The following RMC1 variants were observed in gnomAD, a reference collection of about 807,000 sequenced individuals.
RMC1 encodes regulator of MON1-CCZ1 complex.
Under a neutral mutation model 95.5 loss-of-function variants are expected in RMC1, and 44 were observed. The ratio of observed to expected loss-of-function variants is 0.46; its 90% CI spans 0.36 to 0.59. RMC1 has a LOEUF of 0.59. RMC1 is among the 20% of genes least tolerant of loss of function. The probability of loss-of-function intolerance (pLI) is 0.00; values close to 1 mark genes in which losing one functional copy is unlikely to be tolerated. For missense variants in RMC1, 705 were observed against 819.6 expected (o/e 0.86, Z 1.71); for synonymous variants, 320 against 303.6 (o/e 1.05, Z -0.56).
chr18:23,507,986 A>G lies in RMC1; in HGVS notation c.266A>G (p.Asp89Gly). 6.2e-7 allele frequency: 1 copy of G among 1,610,342 alleles called. No homozygotes were observed. Among genetic ancestry groups the G allele is most frequent in the East Asian group, 2.2e-5 (1 of 44,716 alleles). Reference sequence around the variant, plus strand: ...GTGTCTGTGTGTTTTTCCTTTCAGGATTTTTGTAATTTTATCCCTGATAAT... The same window carrying G: ...GTGTCTGTGTGTTTTTCCTTTCAGGGTTTTTGTAATTTTATCCCTGATAAT... Reference protein sequence around the residue: ...LAVQRTSKTVDFCNFIPDNSQ... With the variant: ...LAVQRTSKTVGFCNFIPDNSQ... Residue 89 changes from aspartate to glycine, a missense_variant and splice_region_variant, in exon 4 of 20, where the codon GAT becomes GGT. By Grantham distance (94) the Asp-to-Gly change is moderately conservative. Transcript: ENST00000269221.
intron 2 of RMC1, among the ~76,000 whole-genome samples, chr18:23,505,281 G>A (rs1488394641): frequency 1.3e-5 from 2 of 152,138 alleles, no homozygotes; most frequent in Non-Finnish European, 1.5e-5. Context: ...GGCTGGTTTC[G>A]AACTCCTGAC....
chr18:23,523,266 T>C (rs1422582406), intron 10 of RMC1, among the ~76,000 whole-genome samples: 1 of 152,144 alleles, frequency 6.6e-6, no homozygotes, highest in East Asian at 1.9e-4. Flanking sequence ...CCAGGAGTCA[T>C]GGTTAGCTTG....
intron 13 of RMC1, 54 bp downstream of exon 13, chr18:23,526,819 C>T (rs2058311494): frequency 1.3e-6 from 2 of 1,589,156 alleles, no homozygotes. Flanking sequence ...CTGTGCTGCC[C>T]AACACTTTTT....
rs1392885175 is a variant in RMC1, at chr18:23,503,512, G to C, written c.-107G>C. 4 of 687,184 alleles carry C rather than the reference G, an allele frequency of 5.8e-6. No individual in the cohort carries two copies. The highest frequency in any genetic ancestry group is 7.9e-5 in the East Asian group (2 of 25,178). 42.6% of individuals were successfully genotyped at this position (687,184 alleles called of 1,614,324 possible). A position where few individuals can be genotyped will look rare whatever the true frequency, so the allele number is the denominator to read the frequency against. On this transcript the variant is annotated 5_prime_UTR_variant, in exon 1 of 20. Transcript: ENST00000269221. The stretch of plus-strand genomic sequence containing the variant: ...GGAAGCGGCGTCCGCGCCGGGCCCA[G>C]AGCCGCAGCCGCAGCCGCCGCTACA...
In RMC1 at chr18:23,520,265, C is replaced by A; in HGVS notation, c.913C>A (p.Pro305Thr). 6.2e-7 allele frequency: 1 copy of A among 1,614,108 alleles called. No homozygotes were observed. Among genetic ancestry groups the A allele is most frequent in the South Asian group, 1.1e-5 (1 of 91,074 alleles). Residue 305 changes from proline (P) to threonine (T), a missense_variant, in exon 10 of 20, where the codon CCC becomes ACC. Physicochemically the swap from Pro to Thr is conservative, Grantham distance 38. Transcript: ENST00000269221. The stretch of plus-strand genomic sequence containing the variant: ...TGACGGCTCCGTTACCTTCCACCAC[C>A]CCGTGCTTCCCGCTCGATCGATCCA... ...EFDGSVTFHH[P>T]VLPARSIQPY... is the part of the protein sequence containing the mutation.
At chr18:23,530,657 A>C (rs779050543) in intron 19 of RMC1, 45 bp downstream of exon 19, 18 of 1,572,884 alleles carry the variant, frequency 1.1e-5, no homozygotes, top group African/African-American at 2.7e-5. Context: ...AGCCTCAAAG[A>C]GTAGCAGAGG....
chr18:23,529,849 T>C, intron 16 of RMC1, 137 bp downstream of exon 16: 2 of 1,062,684 alleles, frequency 1.9e-6, no homozygotes, highest in Non-Finnish European at 2.8e-6. Flanking sequence ...CTCCTGACAT[T>C]ATTAGTTGGA....
chr18:23,522,498 C>A (rs2058169154), intron 10 of RMC1: 2 of 152,130 alleles, frequency 1.3e-5, no homozygotes, highest in African/African-American at 4.8e-5. Flanking sequence ...TTTTTAAGCT[C>A]ATCAGCTATT....
intron 12 of RMC1, among the ~76,000 whole-genome samples, chr18:23,525,571 T>TGC (rs2145255059): frequency 6.6e-6 from 1 of 152,266 alleles, no homozygotes; most frequent in East Asian, 1.9e-4. Flanking sequence ...ATTACAGGCA[T>TGC]GCGCCACCAC....
chr18:23,523,558 A>AG (rs2058203917), intron 10 of RMC1, among the ~76,000 whole-genome samples: 1 of 149,580 alleles, frequency 6.7e-6, no homozygotes, highest in African/African-American at 2.5e-5. Context: ...AAAAAAAAAA[A>AG]AAAAAAAAAA....
At chr18:23,523,745 C>G (rs968519757) in intron 10 of RMC1, among the ~76,000 whole-genome samples, 1 of 151,964 alleles carries the variant, frequency 6.6e-6, no homozygotes, top group African/African-American at 2.4e-5. Context: ...GATAATTAAG[C>G]TACAAGCCAC....
At chr18:23,520,078 C>G (rs2048702756) in intron 9 of RMC1, 124 bp from the exon 10 acceptor site, 3 of 695,430 alleles carry the variant, frequency 4.3e-6, no homozygotes, top group Admixed American at 4.5e-5. Flanking sequence ...TAAGAGCTAG[C>G]CTGTAGGGAG....
In RMC1 at chr18:23,520,261, C is replaced by T. The variant is rs762588766; in HGVS notation, c.909C>T (p.His303=). 1 of 1,614,134 alleles carries T rather than the reference C, an allele frequency of 6.2e-7. No homozygotes were observed. Residue 303 remains histidine (H), a synonymous_variant, in exon 10 of 20, where the codon CAC becomes CAT. Transcript: ENST00000269221. ...RGEFDGSVTF[H]HPVLPARSIQ... ...AGTTTGACGGCTCCGTTACCTTCCA[C>T]CACCCCGTGCTTCCCGCTCGATCGA...
intron 7 of RMC1, among the ~76,000 whole-genome samples, chr18:23,516,909 A>G (rs2058023376): frequency 1.3e-5 from 2 of 151,852 alleles, no homozygotes; most frequent in Admixed American, 1.3e-4. Flanking sequence ...TATTTTTGGT[A>G]GAGACAGGGC....
intron 10 of RMC1, among the ~76,000 whole-genome samples, chr18:23,520,654 T>C (rs927739496): frequency 6.6e-6 from 1 of 151,930 alleles, no homozygotes; most frequent in Non-Finnish European, 1.5e-5. Flanking sequence ...ATTTATTTTT[T>C]TGACAGAGCC....
At chr18:23,531,423 A>G in intron 19 of RMC1, 1 of 1,108,800 alleles carries the variant, frequency 9.0e-7, no homozygotes, top group Non-Finnish European at 1.2e-6. Context: ...TAGTTACCAT[A>G]AGGACAGGTT....
chr18:23,505,191 G>T (rs2057682227), intron 2 of RMC1, among the ~76,000 whole-genome samples: 1 of 152,056 alleles, frequency 6.6e-6, no homozygotes, highest in Non-Finnish European at 1.5e-5. Context: ...CCAAGTAGCT[G>T]GGATTAGAGG....
intron 5 of RMC1, among the ~76,000 whole-genome samples, chr18:23,510,014 T>G: frequency 7.8e-6 from 1 of 127,842 alleles, no homozygotes; most frequent in Admixed American, 7.9e-5. Flanking sequence ...TTGCAAGTAA[T>G]AAATTAAAAA....
At chr18:23,515,554 A>C (rs931656960) in intron 5 of RMC1, among the ~76,000 whole-genome samples, 1 of 152,150 alleles carries the variant, frequency 6.6e-6, no homozygotes, top group Non-Finnish European at 1.5e-5. Flanking sequence ...ATTGAGACTG[A>C]ATCTCGCTCT....
Sources: gnomAD v4.1 joint callset for allele counts (sites outside exome capture counted in the v4.1 genomes callset) on GRCh38, gnomAD v4.1.1 for gene constraint, MANE v1.5 for transcripts, NCBI Gene and HGNC (gene_info 2026-07-23, HGNC 2026-07-21) for gene names.